ZNF512B: variants seen among roughly 807,000 people sequenced by gnomAD.
The protein encoded by ZNF512B is zinc finger protein 512B.
In ZNF512B, 22 loss-of-function variants were observed where a neutral mutation model predicts 87.8. That is an observed-to-expected ratio of 0.25 (90% CI 0.18 to 0.36). The LOEUF is 0.36. Ranked by LOEUF, ZNF512B falls within the 10% of genes least tolerant of loss-of-function variation. The pLI is 1.00. For missense variants in ZNF512B, 1,060 were observed against 1,231.6 expected (o/e 0.86, Z 2.09); for synonymous variants, 524 against 490.9 (o/e 1.07, Z -0.89).
Position 63,967,885 on chromosome 20 carries a change from C to T in ZNF512B, c.66G>A (p.Lys22=). Residue 22 remains lysine, a synonymous_variant, in exon 2 of 17, where the codon AAG becomes AAA. Coordinates refer to ENST00000369888, the MANE Select transcript of ZNF512B (RefSeq NM_020713.3). ...LPGSSKSGPG[K]DGSRKEVRLP... ...GTCGGACCTCCTTTCGGCTGCCATCCTTCCCGGGACCACTCTTGCTGGACC... is the reference window on the plus strand; with the variant it reads ...GTCGGACCTCCTTTCGGCTGCCATCTTTCCCGGGACCACTCTTGCTGGACC... 2 of 1,613,388 alleles carry T rather than the reference C, an allele frequency of 1.2e-6. No individual in the cohort carries two copies. The highest frequency in any genetic ancestry group is 1.7e-6 in the Non-Finnish European group (2 of 1,179,832).
chr20:63,963,940 G>A, intron 8 of ZNF512B, 27 bp from the exon 9 acceptor site: 2 of 1,604,890 alleles, frequency 1.2e-6, no homozygotes, highest in Middle Eastern at 1.7e-4. Context: ...GGCCTCGAAG[G>A]CTTGTGGGGG....
rs1208540858 is a variant in ZNF512B, at chr20:63,964,601, T to C, written c.1150A>G (p.Thr384Ala). The change falls in exon 6 of 17, where the codon ACC becomes GCC. Residue 384 changes from threonine (T) to alanine (A), a missense_variant. Thr to Ala is a moderately conservative substitution (Grantham distance 58, BLOSUM62 0). Transcript: ENST00000369888. Reference sequence around the variant, plus strand: ...CCTGGCGACAAGGAGCCACTGCTGGTGTCTGCACTCAGCTGGAAGGCCGAG... The same window carrying C: ...CCTGGCGACAAGGAGCCACTGCTGGCGTCTGCACTCAGCTGGAAGGCCGAG... ...QSSAFQLSADTSSGSLSPGSR... is the reference protein window; with the variant it reads ...QSSAFQLSADASSGSLSPGSR... 3 of 1,613,242 alleles carry C rather than the reference T, an allele frequency of 1.9e-6. No individual in the cohort carries two copies. Among genetic ancestry groups the C allele is most frequent in the Non-Finnish European group, 1.7e-6 (2 of 1,179,968 alleles).
At chr20:63,969,137 T>G (rs2058955645) in intron 1 of ZNF512B, 3 of 985,346 alleles carry the variant, frequency 3.0e-6, no homozygotes, top group South Asian at 4.7e-5. Context: ...ACTTTGCAAC[T>G]TTTGAAAGGA....
Position 63,962,347 on chromosome 20 carries a change from T to A in ZNF512B, c.2191A>T (p.Thr731Ser). The A allele has an allele frequency of 6.2e-7, 1 of 1,612,726 alleles. No individual in the cohort carries two copies. The highest frequency in any genetic ancestry group is 1.1e-5 in the South Asian group (1 of 91,076). ...RLNYTRPGLP[T>S]LNPQLLEAWK... ...GCCTCTAGCAGCTGGGGGTTCAGCG[T>A]GGGGAGCCCTGGTCGAGTGTAGTTG... Residue 731 changes from threonine to serine, a missense_variant, in exon 14 of 17, where the codon ACG (threonine) becomes TCG (serine). Coordinates refer to ENST00000369888, the MANE Select transcript of ZNF512B (RefSeq NM_020713.3).
chr20:63,967,726 G>T, intron 2 of ZNF512B, 104 bp downstream of exon 2: 2 of 1,531,290 alleles, frequency 1.3e-6, no homozygotes, highest in Non-Finnish European at 1.8e-6. Context: ...AACTCTAGGG[G>T]CCTAGCTGGG....
intron 14 of ZNF512B, 38 bp downstream of exon 14, chr20:63,962,235 T>G: frequency 6.4e-7 from 1 of 1,565,454 alleles, no homozygotes; most frequent in Non-Finnish European, 8.6e-7. Context: ...TGGCCCTGTA[T>G]GGCTCCCCAC....
Position 63,963,912 on chromosome 20 carries a change from A to C in ZNF512B, c.1482T>G (p.Gly494=). ...CCCTCTGCCACTGCTCTTCAGGGCC[A>C]CCTGTGGGTAAGGCAGGGGCCTCGA... ...APAPVAHPAP[G]GPEEQWQRAI... Residue 494 remains glycine, a splice_region_variant and synonymous_variant, in exon 9 of 17, where the codon GGT becomes GGG. Coordinates refer to ENST00000369888, the MANE Select transcript of ZNF512B (RefSeq NM_020713.3). 2 of 1,609,814 alleles carry C rather than the reference A, an allele frequency of 1.2e-6. No homozygotes were observed. The highest frequency in any genetic ancestry group is 1.7e-6 in the Non-Finnish European group (2 of 1,179,962).
chr20:63,959,279 CTGGAGAG>C lies in ZNF512B; in HGVS notation c.*602_*608del. 1 of 154,822 alleles carries C rather than the reference CTGGAGAG, an allele frequency of 6.5e-6. No homozygotes were observed. 9.6% of individuals were successfully genotyped at this position (154,822 alleles called of 1,614,324 possible). On this transcript the variant is annotated 3_prime_UTR_variant, in exon 17 of 17. Transcript: ENST00000369888. Reference sequence around the variant, plus strand: ...GCAGGGGTGGGGGTAGTGGGCAGGCCTGGAGAGGTAGAAAACAGAAGCAAGGGGACCA... The same window carrying C: ...GCAGGGGTGGGGGTAGTGGGCAGGCCGTAGAAAACAGAAGCAAGGGGACCA...
intron 4 of ZNF512B, 28 bp from the exon 5 acceptor site, chr20:63,966,809 A>G (rs767187795): frequency 6.2e-7 from 1 of 1,604,186 alleles, no homozygotes; most frequent in Non-Finnish European, 8.5e-7. Flanking sequence ...GGTTTGGGAC[A>G]GGGCCCCAAG....
In ZNF512B at chr20:63,964,525, G is replaced by C. The variant is rs1471744691; in HGVS notation, c.1226C>G (p.Ser409Cys). 6.2e-7 allele frequency: 1 copy of C among 1,612,754 alleles called. No homozygotes were observed. Among genetic ancestry groups the C allele is most frequent in the East Asian group, 2.2e-5 (1 of 44,874 alleles). ...MEALKAAGPA[S>C]PPEEDPERTK... ...GCGCTCCGGGTCCTCCTCAGGCGGG[G>C]ACGCAGGGCCTGCAGCCTTCAGTGC... The change falls in exon 6 of 17, where the codon TCC becomes TGC. Residue 409 changes from serine (S) to cysteine (C), a missense_variant. By Grantham distance (112) the Ser-to-Cys change is moderately radical. Around this residue, in one of 9 missense-constraint regions of ZNF512B, gnomAD observed 212 missense variants for 207.6 expected, o/e 1.02. Transcript: ENST00000369888.
Position 63,961,448 on chromosome 20 carries a change from A to G in ZNF512B, c.2329-41T>C, listed in dbSNP as rs537495505. 1 of 1,580,416 alleles carries G rather than the reference A, an allele frequency of 6.3e-7. No homozygotes were observed. The highest frequency in any genetic ancestry group is 2.2e-5 in the East Asian group (1 of 44,700). On this transcript the variant is annotated intron_variant, in intron 15 of 16. Transcript: ENST00000369888. The surrounding 1 kb of genome is among the most constrained non-coding windows in gnomAD (Gnocchi z 6.4). ...AGGCCAGTGCCCCAGCCCTTGGAGGACCCAGATCTGTCCTAAGCCCCTACT... is the reference window on the plus strand; with the variant it reads ...AGGCCAGTGCCCCAGCCCTTGGAGGGCCCAGATCTGTCCTAAGCCCCTACT...
rs1339835475 is a variant in ZNF512B, at chr20:63,962,312, A to G, written c.2226T>C (p.Asn742=). ...TGACGTGGCCTTTCTCCTTCACTTC[A>G]TTCTTCCATGCCTCTAGCAGCTGGG... The part of the protein sequence containing the change: ...LNPQLLEAWK[N]EVKEKGHVNC... Residue 742 remains asparagine (N), a synonymous_variant, in exon 14 of 17, where the codon AAT becomes AAC. Coordinates refer to ENST00000369888, the MANE Select transcript of ZNF512B (RefSeq NM_020713.3). The G allele has an allele frequency of 6.2e-7, 1 of 1,612,750 alleles. No individual in the cohort carries two copies.
At position 63,966,267 on chromosome 20, in the gene ZNF512B, C is replaced by T; in HGVS notation, c.908G>A (p.Ser303Asn). 1 of 1,613,722 alleles carries T rather than the reference C, an allele frequency of 6.2e-7. No individual in the cohort carries two copies. The highest frequency in any genetic ancestry group is 8.5e-7 in the Non-Finnish European group (1 of 1,179,952). ...GGGCCTGCTGACTGTCACCGGCTTG[C>T]TGACCACAATGGGCCTGCTGACTGT... The part of the protein sequence containing the change: ...PVTVSRPIVV[S>N]KPVTVSRPIA... Residue 303 changes from serine (S) to asparagine (N), a missense_variant, in exon 5 of 17, where the codon AGC becomes AAC. Ser to Asn is a conservative substitution (Grantham distance 46, BLOSUM62 1). This residue lies in a region of ZNF512B where 201 missense variants were observed against 226.8 expected (regional missense o/e 0.89). Transcript: ENST00000369888.
At position 63,962,601 on chromosome 20, in the gene ZNF512B, G is replaced by T; in HGVS notation, c.2149C>A (p.Pro717Thr). Residue 717 changes from proline (P) to threonine (T), a missense_variant, in exon 13 of 17, where the codon CCC (proline) becomes ACC (threonine). Pro to Thr is a conservative substitution (Grantham distance 38). Coordinates refer to ENST00000369888, the MANE Select transcript of ZNF512B (RefSeq NM_020713.3). ...GGGCAGCTCACCCGTGCGGTCTCGG[G>T]CACAAGGTCATCCTTCATGCGCCGC... ...TKRRMKDDLV[P>T]ETARLNYTRP... 1 of 1,606,192 alleles carries T rather than the reference G, an allele frequency of 6.2e-7. No individual in the cohort carries two copies.
At chr20:63,968,066 C>G in intron 1 of ZNF512B, 114 bp from the exon 2 acceptor site, 1 of 1,334,162 alleles carries the variant, frequency 7.5e-7, no homozygotes, top group Non-Finnish European at 1.0e-6. Context: ...GAAGAGGGGC[C>G]TGCCTTCCTG....
rs746668192 is a variant in ZNF512B at position 63,969,054 on chromosome 20, G to A, written c.-3+760C>T. The A allele has an allele frequency of 2.3e-4, 217 of 930,554 alleles. 1 individual carries two copies. The highest frequency in any genetic ancestry group is 2.7e-4 in the Non-Finnish European group (207 of 779,874). The allele number at this position is 930,554 out of a possible 1,614,324, so 57.6% of individuals were successfully genotyped here. On this transcript the variant is annotated intron_variant, in intron 1 of 16. Transcript: ENST00000369888. ...CAGGAGGGCCAGAGAGCTGAGGTCA[G>A]AGGTCAGGACAGTCACTGCCCATTG...
chr20:63,969,478 C>T (rs974650856), intron 1 of ZNF512B, among the ~76,000 whole-genome samples: 2 of 151,188 alleles, frequency 1.3e-5, no homozygotes, highest in African/African-American at 2.4e-5. Flanking sequence ...CGGGTGAGCG[C>T]GGCCAGGGAC....
At chr20:63,967,232 A>C in intron 3 of ZNF512B, 149 bp downstream of exon 3, 1 of 1,344,716 alleles carries the variant, frequency 7.4e-7, no homozygotes. Flanking sequence ...ATCAGATACA[A>C]AGCCAGGCCA....
chr20:63,962,875 C>T, intron 12 of ZNF512B, 94 bp from the exon 13 acceptor site: 5 of 1,350,152 alleles, frequency 3.7e-6, no homozygotes, highest in East Asian at 2.5e-5. Context: ...GGTGGACCCA[C>T]AGGCCTCCCA....
Sources: gnomAD v4.1 joint callset for allele counts (sites outside exome capture counted in the v4.1 genomes callset) on GRCh38, gnomAD v4.1.1 for gene constraint, gnomAD v4.1.1 regional missense constraint, Gnocchi (gnomAD v3.1) non-coding constraint, MANE v1.5 for transcripts, NCBI Gene and HGNC (gene_info 2026-07-23, HGNC 2026-07-21) for gene names.